Variants in RAB22A observed in about 807,000 individuals in gnomAD.
RAB22A encodes RAB22A, member RAS oncogene family, also known as ras-related protein Rab-22A.
In RAB22A, 13 loss-of-function variants were observed where a neutral mutation model predicts 30.2. That is an observed-to-expected ratio of 0.43 (90% confidence interval 0.28 to 0.68). RAB22A has a LOEUF of 0.68. Ranked by LOEUF, RAB22A falls within the 30% of genes least tolerant of loss-of-function variation. The pLI is 0.18. For synonymous variants in RAB22A, 89 were observed against 87.2 expected (o/e 1.02, Z -0.11); for missense variants, 177 against 246.8 (o/e 0.72, Z 1.89).
At chr20:58,358,103 G>A (rs1987162326) in intron 6 of RAB22A, among the ~76,000 whole-genome samples, 1 of 152,140 alleles carries the variant, frequency 6.6e-6, no homozygotes, top group African/African-American at 2.4e-5. Flanking sequence ...GTAGTGTCTG[G>A]GATGTTACAG....
At chr20:58,343,608 G>C in intron 2 of RAB22A, 110 bp from the exon 3 acceptor site, 1 of 750,678 alleles carries the variant, frequency 1.3e-6, no homozygotes. Flanking sequence ...TTAGGATACA[G>C]CGTGGTGCTG....
intron 6 of RAB22A, among the ~76,000 whole-genome samples, chr20:58,358,768 G>A (rs1013260043): frequency 6.6e-6 from 1 of 151,908 alleles, no homozygotes; most frequent in Non-Finnish European, 1.5e-5. Flanking sequence ...GGCGGTACAC[G>A]CCTCTAATCC....
rs922503940 is a variant in RAB22A, at chr20:58,359,892, T to C, written c.*189T>C. The C allele has an allele frequency of 2.3e-6, 1 of 429,104 alleles. No homozygotes were observed. The highest frequency in any genetic ancestry group is 4.2e-6 in the Non-Finnish European group (1 of 238,298). 26.6% of individuals were successfully genotyped at this position (429,104 alleles called of 1,614,324 possible). ...AATGATATTTCAGTCTGTGAACTTC[T>C]ATTATGTAAAGAATCTCTAGTGTAC... On this transcript the variant is annotated 3_prime_UTR_variant, in exon 7 of 7. Coordinates refer to ENST00000244040, the MANE Select transcript of RAB22A (RefSeq NM_020673.3).
rs1216255812 is a variant in RAB22A at position 58,363,179 on chromosome 20, T to C, written c.*3476T>C. On this transcript the variant is annotated 3_prime_UTR_variant, in exon 7 of 7. Coordinates refer to ENST00000244040, the MANE Select transcript of RAB22A (RefSeq NM_020673.3). ...TTAGATTCCGACGACACTGCACTAA[T>C]TGGCATGTCAGCCTCCAGCTCAGAA... The C allele has an allele frequency of 5.9e-5, 9 of 152,238 alleles. No homozygotes were observed. The highest frequency in any genetic ancestry group is 5.9e-4 in the Admixed American group (9 of 15,278). The allele number at this position is 152,238 out of a possible 1,614,324, so 9.4% of individuals were successfully genotyped here.
At chr20:58,320,042 A>G (rs962131346) in intron 2 of RAB22A, among the ~76,000 whole-genome samples, 1 of 152,142 alleles carries the variant, frequency 6.6e-6, no homozygotes, top group Non-Finnish European at 1.5e-5. Context: ...AAATTTTTTC[A>G]AGGATTTTTC....
Position 58,366,587 on chromosome 20 carries a change from T to C in RAB22A, c.*6884T>C, listed in dbSNP as rs1020431293. 1.3e-5 allele frequency: 2 copies of C among 151,914 alleles called. No homozygotes were observed. The highest frequency in any genetic ancestry group is 2.9e-5 in the Non-Finnish European group (2 of 67,996). The allele number at this position is 151,914 out of a possible 1,614,324, so 9.4% of individuals were successfully genotyped here. ...AAATATCATAGGCACCTCAAAGACATGTACAACTCTTAATTTAACATTTTT... is the reference window on the plus strand; with the variant it reads ...AAATATCATAGGCACCTCAAAGACACGTACAACTCTTAATTTAACATTTTT... On this transcript the variant is annotated 3_prime_UTR_variant, in exon 7 of 7. Transcript: ENST00000244040.
At chr20:58,310,920 C>T in intron 1 of RAB22A, 123 bp from the exon 2 acceptor site, 1 of 766,222 alleles carries the variant, frequency 1.3e-6, no homozygotes, top group Non-Finnish European at 2.3e-6. Context: ...TGTGTTCCTC[C>T]GTTTATAAAA....
intron 2 of RAB22A, among the ~76,000 whole-genome samples, chr20:58,319,552 T>C (rs1475941915): frequency 1.3e-5 from 2 of 152,216 alleles, no homozygotes; most frequent in Non-Finnish European, 2.9e-5. Flanking sequence ...TGCATTTCTA[T>C]ATAAATTTTA....
At chr20:58,333,818 G>A (rs1287919752) in intron 2 of RAB22A, among the ~76,000 whole-genome samples, 1 of 152,156 alleles carries the variant, frequency 6.6e-6, no homozygotes, top group Non-Finnish European at 1.5e-5. Flanking sequence ...GCTTTGGGAG[G>A]CCAAGTTAAG....
At chr20:58,323,625 C>CTTTTTTTTTTCTTTTTTTTTTTTT (rs564661032) in intron 2 of RAB22A, among the ~76,000 whole-genome samples, 1 of 136,654 alleles carries the variant, frequency 7.3e-6, no homozygotes, top group Non-Finnish European at 1.6e-5. Context: ...TTTTTTTTTT[C>CTTTTTTTTTTCTTTTTTTTTTTTT]TTTTTTTTTC....
intron 3 of RAB22A, among the ~76,000 whole-genome samples, 173 bp downstream of exon 3, chr20:58,343,972 A>T (rs1428327018): frequency 6.6e-6 from 1 of 152,196 alleles, no homozygotes; most frequent in African/African-American, 2.4e-5. Context: ...TTAGAGCCAC[A>T]GAGTCCACCG....
chr20:58,315,949 G>A lies in RAB22A; in HGVS notation c.116+4827G>A, dbSNP rs145681303. Among the ~76,000 whole-genome samples, 42 of 152,182 alleles carry A rather than the reference G, an allele frequency of 2.8e-4. 1 individual carries two copies. The East Asian group carries it at 7.4e-3, about 27-fold the overall frequency. ...CGGCAGAGGAACCCTTCCCTAGCCC[G>A]GGCCCAGCCTCATCTCTCCTGTGCT... On this transcript the variant is annotated intron_variant, in intron 2 of 6. Transcript: ENST00000244040.
intron 3 of RAB22A, among the ~76,000 whole-genome samples, chr20:58,348,539 T>G (rs1475087852): frequency 1.3e-5 from 2 of 152,182 alleles, no homozygotes; most frequent in African/African-American, 2.4e-5. Flanking sequence ...CAAGAAGACC[T>G]GACTCCATGA....
At chr20:58,332,929 C>T (rs1986686396) in intron 2 of RAB22A, among the ~76,000 whole-genome samples, 1 of 151,992 alleles carries the variant, frequency 6.6e-6, no homozygotes, top group South Asian at 2.1e-4. Flanking sequence ...GACTTTTCAG[C>T]ACAAACAGTG....
chr20:58,338,818 G>A (rs968475148), intron 2 of RAB22A, among the ~76,000 whole-genome samples: 1 of 152,174 alleles, frequency 6.6e-6, no homozygotes, highest in African/African-American at 2.4e-5. Context: ...TTGGTATTCA[G>A]TGGTGTTTCC....
intron 2 of RAB22A, among the ~76,000 whole-genome samples, chr20:58,321,391 A>C (rs1335796512): frequency 6.6e-6 from 1 of 151,936 alleles, no homozygotes; most frequent in Non-Finnish European, 1.5e-5. Context: ...TTGTGGTCAG[A>C]GAACATACTC....
In RAB22A at chr20:58,309,861, G is replaced by A. The variant is rs1986183902; in HGVS notation, c.-116G>A. 9.4e-7 allele frequency: 1 copy of A among 1,066,460 alleles called. No individual in the cohort carries two copies. Among genetic ancestry groups the A allele is most frequent in the Non-Finnish European group, 1.2e-6 (1 of 827,504 alleles). The allele number at this position is 1,066,460 out of a possible 1,614,324, so 66.1% of individuals were successfully genotyped here. On this transcript the variant is annotated 5_prime_UTR_variant, in exon 1 of 7. Transcript: ENST00000244040. ...GAGGACGGGCGGCAGCCGCCTCTGC[G>A]CGGACCGGGGCTGGGCCGTGCGGCG...
At chr20:58,326,450 G>A (rs1201340077) in intron 2 of RAB22A, among the ~76,000 whole-genome samples, 6 of 152,024 alleles carry the variant, frequency 3.9e-5, no homozygotes, top group Middle Eastern at 3.4e-3. Context: ...AATGTTTTGC[G>A]GATTTAACCT....
intron 3 of RAB22A, among the ~76,000 whole-genome samples, chr20:58,351,946 A>C (rs8122652): frequency 0.015 from 2,281 of 152,344 alleles, 60 homozygotes; most frequent in African/African-American, 0.052. Flanking sequence ...TAAGAGGACT[A>C]CTATAAATAT....
Sources: allele counts gnomAD v4.1 joint callset (sites outside exome capture counted in the v4.1 genomes callset), GRCh38; gene constraint gnomAD v4.1.1; transcripts MANE v1.5; gene names NCBI Gene and HGNC (gene_info 2026-07-23, HGNC 2026-07-21).